PTER: variants seen among roughly 807,000 people sequenced by gnomAD.
PTER encodes the protein phosphotriesterase related.
Under a neutral mutation model 29.6 loss-of-function variants are expected in PTER, and 38 were observed. The observed-to-expected ratio is 1.28, with a 90% CI of 0.99 to 1.68. The LOEUF is 1.68. Ranked by LOEUF, PTER falls within the 40% of genes most tolerant of loss-of-function variation. PTER has a pLI of 0.00. For synonymous variants in PTER, 172 were observed against 154.5 expected (o/e 1.11, Z -0.84); for missense variants, 482 against 427.8 (o/e 1.13, Z -1.12).
chr10:16,501,504 A>G (rs998105929), intron 3 of PTER, among the ~76,000 whole-genome samples: 1 of 152,274 alleles, frequency 6.6e-6, no homozygotes, highest in African/African-American at 2.4e-5. Flanking sequence ...TACTATATAT[A>G]GTTACCCTCT....
intron 3 of PTER, among the ~76,000 whole-genome samples, chr10:16,503,722 T>G (rs1453351143): frequency 3.9e-5 from 6 of 152,182 alleles, no homozygotes; most frequent in Admixed American, 3.9e-4. Context: ...GTATTTTTAG[T>G]AGAGACGTGG....
intron 1 of PTER, among the ~76,000 whole-genome samples, chr10:16,471,010 T>C (rs1835032420): frequency 6.6e-6 from 1 of 152,236 alleles, no homozygotes; most frequent in Non-Finnish European, 1.5e-5. Context: ...TTGTTCCTGG[T>C]CTGGCTTAAC....
Position 16,454,303 on chromosome 10 carries a change from G to T in PTER, c.-49+17256G>T, listed in dbSNP as rs142097400. Among the ~76,000 whole-genome samples the T allele has an allele frequency of 3.6e-3, 550 of 152,120 alleles. 6 individuals carry two copies. The highest frequency in any genetic ancestry group is 0.012 in the African/African-American group (513 of 41,504). ...AATACAAAATTAACCTGCCAGGCACGGTGGCTCACGCCTGTAATCCCAACA... is the reference window on the plus strand; with the variant it reads ...AATACAAAATTAACCTGCCAGGCACTGTGGCTCACGCCTGTAATCCCAACA... On this transcript the variant is annotated intron_variant, in intron 1 of 4. Transcript: ENST00000535784.
intron 1 of PTER, among the ~76,000 whole-genome samples, chr10:16,480,009 T>C (rs1253474253): frequency 2.1e-5 from 3 of 143,186 alleles, no homozygotes; most frequent in Non-Finnish European, 4.6e-5. Context: ...TAGTATTAGG[T>C]TGGTGCAAAT....
At chr10:16,447,746 G>C (rs986409568) in intron 1 of PTER, among the ~76,000 whole-genome samples, 2 of 151,990 alleles carry the variant, frequency 1.3e-5, no homozygotes, top group Non-Finnish European at 2.9e-5. Flanking sequence ...ATATATTCAT[G>C]CCTGCATATT....
rs1366997804 is a variant in PTER, at chr10:16,496,974, AC to A, written c.699-8043del. On this transcript the variant is annotated intron_variant, in intron 3 of 4. Coordinates refer to ENST00000535784, the MANE Select transcript of PTER (RefSeq NM_001261836.2). ...TTTTGAGATGAAATCTCACACTGTC[AC>A]CCAGGCTGGAATGCAGTTGCGCGAT... Among the ~76,000 whole-genome samples the A allele has an allele frequency of 5.5e-4, 77 of 139,282 alleles. 1 individual carries two copies. The highest frequency in any genetic ancestry group is 2.1e-3 in the African/African-American group (75 of 36,222). 91.4% of individuals were successfully genotyped at this position (139,282 alleles called of 152,430 possible).
chr10:16,458,159 T>C (rs1160307548), intron 1 of PTER, among the ~76,000 whole-genome samples: 1 of 151,726 alleles, frequency 6.6e-6, no homozygotes, highest in Non-Finnish European at 1.5e-5. Flanking sequence ...TTAAAGATTG[T>C]AGGAAGACCT....
chr10:16,515,733 A>G (rs2133537250), downstream of PTER, among the ~76,000 whole-genome samples: 1 of 152,330 alleles, frequency 6.6e-6, no homozygotes, highest in African/African-American at 2.4e-5. Flanking sequence ...TCTGCCTTGG[A>G]AAATCTTTCA....
At chr10:16,514,075 T>A, downstream of PTER, 1 of 371,830 alleles carries the variant, frequency 2.7e-6, no homozygotes, top group Non-Finnish European at 4.8e-6. Flanking sequence ...TTAGACCTTC[T>A]CCTGCAGGGC....
At chr10:16,441,535 G>A (rs931223395) in intron 1 of PTER, among the ~76,000 whole-genome samples, 1 of 152,162 alleles carries the variant, frequency 6.6e-6, no homozygotes, top group Non-Finnish European at 1.5e-5. Flanking sequence ...AGGCAAGCCG[G>A]GAGCATTGTG....
At chr10:16,496,911 C>A (rs1247749381) in intron 3 of PTER, among the ~76,000 whole-genome samples, 2 of 151,640 alleles carry the variant, frequency 1.3e-5, no homozygotes, top group African/African-American at 4.9e-5. Flanking sequence ...CCCTTTTTGC[C>A]TCTCAGCAGG....
Position 16,476,901 on chromosome 10 carries a change from C to CTCTCTCTCTTTTTTTTTTT in PTER, c.-48-7435_-48-7434insCTCTCTCTTTTTTTTTTTT. ...CAAACCACCCCTCCATCCTAGAATT[C>CTCTCTCTCTTTTTTTTTTT]TTTTTTTTTTTTTTTTTTTTTTGAG... On this transcript the variant is annotated intron_variant, in intron 1 of 4. Transcript: ENST00000535784. Among the ~76,000 whole-genome samples the CTCTCTCTCTTTTTTTTTTT allele has an allele frequency of 1.5e-3, 152 of 100,350 alleles. 10 individuals are homozygous for CTCTCTCTCTTTTTTTTTTT. Among genetic ancestry groups the CTCTCTCTCTTTTTTTTTTT allele is most frequent in the African/African-American group, 6.3e-3 (141 of 22,336 alleles). The allele number at this position is 100,350 out of a possible 152,430, so 65.8% of individuals were successfully genotyped here.
At chr10:16,500,154 A>C (rs2133488676) in intron 3 of PTER, among the ~76,000 whole-genome samples, 1 of 152,230 alleles carries the variant, frequency 6.6e-6, no homozygotes, top group Non-Finnish European at 1.5e-5. Flanking sequence ...GAGCATTTTA[A>C]CAGAGGAACC....
intron 1 of PTER, among the ~76,000 whole-genome samples, chr10:16,440,068 T>TTTC (rs1833792455): frequency 4.4e-5 from 1 of 22,642 alleles, no homozygotes; most frequent in Non-Finnish European, 6.9e-5. Context: ...CCTAACAAGA[T>TTTC]TTTTTTTTTT....
intron 3 of PTER, among the ~76,000 whole-genome samples, chr10:16,492,833 T>G (rs1489381128): frequency 6.6e-6 from 1 of 152,164 alleles, no homozygotes; most frequent in Non-Finnish European, 1.5e-5. Context: ...CTGAGGAAGG[T>G]AGAGGAATTG....
chr10:16,441,107 A>G (rs536485613), intron 1 of PTER, among the ~76,000 whole-genome samples: 1 of 152,344 alleles, frequency 6.6e-6, no homozygotes, highest in East Asian at 1.9e-4. Flanking sequence ...TGCATTCTGT[A>G]AGGGCAGACC....
intron 1 of PTER, among the ~76,000 whole-genome samples, chr10:16,468,502 A>G (rs1834926190): frequency 6.6e-6 from 1 of 151,474 alleles, no homozygotes; most frequent in Non-Finnish European, 1.5e-5. Flanking sequence ...ACTTTATTGT[A>G]TGATTCCTTT....
chr10:16,446,666 C>T (rs748503647), intron 1 of PTER, among the ~76,000 whole-genome samples: 9 of 152,148 alleles, frequency 5.9e-5, no homozygotes, highest in African/African-American at 1.2e-4. Context: ...ATTTCATGGA[C>T]TGTTGCTACT....
chr10:16,478,639 T>TA (rs78771037), intron 1 of PTER, among the ~76,000 whole-genome samples: 170 of 144,244 alleles, frequency 1.2e-3, no homozygotes, highest in Middle Eastern at 3.4e-3. Context: ...CAGCCCCATT[T>TA]AAAAAAAAAA....
Sources: gnomAD v4.1 joint callset for allele counts (sites outside exome capture counted in the v4.1 genomes callset) on GRCh38, gnomAD v4.1.1 for gene constraint, MANE v1.5 for transcripts, NCBI Gene and HGNC (gene_info 2026-07-23, HGNC 2026-07-21) for gene names.